EYS: variants seen among roughly 807,000 people sequenced by gnomAD.
The protein encoded by EYS is EGF-like photoreceptor maintenance factor.
EYS carries 250 observed loss-of-function variants against 282.1 expected under a neutral mutation model. The observed-to-expected ratio is 0.89, with a 90% confidence interval of 0.80 to 0.98. EYS has a LOEUF of 0.98. EYS is among the 50% of genes least tolerant of loss of function. The pLI, the probability that EYS is intolerant of heterozygous loss-of-function variation, is 0.00. For missense variants in EYS, 4,016 were observed against 3,709.0 expected (o/e 1.08, Z -2.15); for synonymous variants, 1,355 against 1,282.9 (o/e 1.06, Z -1.20).
intron 2 of EYS, among the ~76,000 whole-genome samples, chr6:65,507,835 TTC>T (rs199587697): frequency 0.028 from 4,273 of 152,272 alleles, 90 homozygotes; most frequent in Non-Finnish European, 0.041. Flanking sequence ...TGTTCTTGCA[TTC>T]TGTCTTCCTT....
At chr6:65,403,594 A>G (rs538894880) in intron 6 of EYS, among the ~76,000 whole-genome samples, 10 of 152,184 alleles carry the variant, frequency 6.6e-5, no homozygotes, top group African/African-American at 2.4e-4. Context: ...GCCCAACCTC[A>G]TACATGGTAG....
intron 5 of EYS, among the ~76,000 whole-genome samples, chr6:65,487,177 C>T (rs1193922357): frequency 2.6e-5 from 4 of 152,164 alleles, no homozygotes; most frequent in Non-Finnish European, 5.9e-5. Flanking sequence ...CCTTCTCTTG[C>T]CTGATTGCCC....
chr6:63,731,057 ATACT>A (rs1768769726), intron 41 of EYS, among the ~76,000 whole-genome samples: 4 of 152,182 alleles, frequency 2.6e-5, no homozygotes, highest in South Asian at 2.1e-4. Context: ...ACTGATAAAC[ATACT>A]TAATTATATC....
At chr6:65,600,757 G>A (rs939205969) in intron 2 of EYS, among the ~76,000 whole-genome samples, 7 of 151,556 alleles carry the variant, frequency 4.6e-5, no homozygotes, top group Non-Finnish European at 8.8e-5. Flanking sequence ...CATGAAATTT[G>A]TTTCTAAAAT....
intron 5 of EYS, among the ~76,000 whole-genome samples, chr6:65,407,744 CGTGTGTGTGTGTGTGTGTGT>C (rs71002305): frequency 6.9e-5 from 10 of 144,220 alleles, no homozygotes; most frequent in Non-Finnish European, 1.1e-4. Flanking sequence ...CTAATAAGTC[CGTGTGTGTGTGTGTGTGTGT>C]GTGTGTGTGT....
At chr6:63,780,465 T>C (rs919255513) in intron 39 of EYS, among the ~76,000 whole-genome samples, 15 of 152,206 alleles carry the variant, frequency 9.9e-5, no homozygotes, top group African/African-American at 3.6e-4. Flanking sequence ...TGGTATCTCA[T>C]TGTGGTTTTG....
intron 35 of EYS, among the ~76,000 whole-genome samples, chr6:63,981,778 T>C (rs1767108923): frequency 6.6e-6 from 1 of 151,852 alleles, no homozygotes; most frequent in Non-Finnish European, 1.5e-5. Context: ...CTGATACATT[T>C]TTTTGTGGGA....
chr6:65,057,690 T>A lies in EYS; in HGVS notation c.2061A>T (p.Ser687=). 6.4e-7 allele frequency: 1 copy of A among 1,550,934 alleles called. No homozygotes were observed. The highest frequency in any genetic ancestry group is 8.7e-7 in the Non-Finnish European group (1 of 1,146,456). ...QCEIDIDECA[S]HPCKNGATCI... Reference sequence around the variant, plus strand: ...AGGTGGCTCCATTTTTGCAGGGATGTGAAGCACACTCATCTATATCAATTT... The same window carrying A: ...AGGTGGCTCCATTTTTGCAGGGATGAGAAGCACACTCATCTATATCAATTT... The change falls in exon 13 of 43, where the codon TCA becomes TCT. Residue 687 remains serine, a synonymous_variant. Transcript: ENST00000503581.
rs34154043 is a variant in EYS at position 65,405,388 on chromosome 6, G to GA, written c.863-22dup. On this transcript the variant is annotated intron_variant, in intron 5 of 42. Coordinates refer to ENST00000503581, the MANE Select transcript of EYS (RefSeq NM_001142800.2). The stretch of plus-strand genomic sequence containing the variant: ...TGGACCTTAAAAAAATCACACACAA[G>GA]AAAAAAAAAGAAAAGGAAGGAAGGA... 1.4e-3 allele frequency: 2,106 copies of GA among 1,478,536 alleles called. 1 individual carries two copies. Among genetic ancestry groups the GA allele is most frequent in the South Asian group, 2.8e-3 (223 of 80,816 alleles). The allele number at this position is 1,478,536 out of a possible 1,614,324, so 91.6% of individuals were successfully genotyped here. A position where few individuals can be genotyped will look rare whatever the true frequency, so the allele number is the denominator to read the frequency against.
At chr6:65,528,456 A>G (rs1767648491) in intron 2 of EYS, among the ~76,000 whole-genome samples, 1 of 152,202 alleles carries the variant, frequency 6.6e-6, no homozygotes, top group South Asian at 2.1e-4. Flanking sequence ...TTGTAACACA[A>G]TTAAGAGGTA....
Position 63,762,511 on chromosome 6 carries a change from C to A in EYS, c.8021G>T (p.Gly2674Val), listed in dbSNP as rs2149655782. The A allele has an allele frequency of 6.5e-7, 1 of 1,550,246 alleles. No individual in the cohort carries two copies. The highest frequency in any genetic ancestry group is 2.4e-5 in the East Asian group (1 of 40,866). ...RGATCISLPH[G>V]YTCFCPLGTT... ...TCCTAGAGGACAGAAACAGGTGTAT[C>A]CATGAGGTAATGAAATGCAGGTTGC... Residue 2674 changes from glycine to valine, a missense_variant, in exon 41 of 43, where the codon GGA (glycine) becomes GTA (valine). By Grantham distance (109) the Gly-to-Val change is moderately radical. Transcript: ENST00000503581.
intron 29 of EYS, among the ~76,000 whole-genome samples, chr6:64,332,821 G>C (rs2150391508): frequency 6.6e-6 from 1 of 152,308 alleles, no homozygotes; most frequent in South Asian, 2.1e-4. Flanking sequence ...AGTAAATGTG[G>C]ATTGAATTTA....
chr6:65,017,937 C>T (rs913632855), intron 13 of EYS, among the ~76,000 whole-genome samples: 21 of 152,154 alleles, frequency 1.4e-4, no homozygotes, highest in African/African-American at 4.6e-4. Flanking sequence ...AATCTCAAGC[C>T]TCTGTTGAAA....
chr6:64,324,321 G>T (rs888319518), intron 29 of EYS, among the ~76,000 whole-genome samples: 2 of 152,126 alleles, frequency 1.3e-5, no homozygotes, highest in African/African-American at 4.8e-5. Context: ...TGCAAAGTTG[G>T]TTCAACATAT....
At chr6:63,784,520 G>T (rs1373786883) in intron 39 of EYS, among the ~76,000 whole-genome samples, 1 of 152,084 alleles carries the variant, frequency 6.6e-6, no homozygotes, top group African/African-American at 2.4e-5. Context: ...AACCATGGCT[G>T]GGGAGGTCTC....
chr6:64,048,195 T>C (rs1397523981), intron 33 of EYS, among the ~76,000 whole-genome samples: 4 of 152,152 alleles, frequency 2.6e-5, no homozygotes, highest in Non-Finnish European at 5.9e-5. Flanking sequence ...TGTAAGCCAC[T>C]GCGCACGGCC....
intron 28 of EYS, among the ~76,000 whole-genome samples, chr6:64,416,629 T>C (rs577001890): frequency 2.0e-5 from 3 of 152,194 alleles, no homozygotes; most frequent in South Asian, 4.1e-4. Context: ...AAGTACTTAA[T>C]GTTTATCACT....
At chr6:63,914,857 A>T (rs1403031036) in intron 35 of EYS, among the ~76,000 whole-genome samples, 1 of 152,220 alleles carries the variant, frequency 6.6e-6, no homozygotes, top group East Asian at 1.9e-4. Flanking sequence ...TTTTGATTGT[A>T]TGAAGCTTGA....
intron 26 of EYS, among the ~76,000 whole-genome samples, chr6:64,548,666 T>C (rs1225439776): frequency 6.7e-6 from 1 of 149,906 alleles, no homozygotes; most frequent in East Asian, 2.0e-4. Context: ...CATCACACAC[T>C]GGGGCCTGTT....
Sources: allele counts gnomAD v4.1 joint callset (sites outside exome capture counted in the v4.1 genomes callset), GRCh38; gene constraint gnomAD v4.1.1; transcripts MANE v1.5; gene names NCBI Gene and HGNC (gene_info 2026-07-23, HGNC 2026-07-21).